The following POLR2B variants were observed in gnomAD, a reference collection of about 807,000 sequenced individuals.
POLR2B encodes DNA-directed RNA polymerase II subunit RPB2.
Under a neutral mutation model 144.6 loss-of-function variants are expected in POLR2B, and 57 were observed. That is an observed-to-expected ratio of 0.39 (90% CI 0.32 to 0.49). The LOEUF (loss-of-function observed/expected upper bound fraction) is 0.49. Among genes scored for constraint, POLR2B ranks in the 20% least tolerant of loss-of-function variants. POLR2B has a pLI of 0.83. For synonymous variants in POLR2B, 442 were observed against 469.8 expected (o/e 0.94, Z 0.77); for missense variants, 595 against 1,467.4 (o/e 0.41, Z 9.71).
In POLR2B at chr4:57,025,401, C is replaced by T. The variant is rs370674792; in HGVS notation, c.3103C>T (p.Arg1035Ter). ...NEVLYNGFTGRKITSQIFIGP... is the reference protein window; with the variant it reads ...NEVLYNGFTG ...GGTCCTGTACAATGGGTTCACTGGTCGAAAAATCACATCACAAATATTTAT... is the reference window on the plus strand; with the variant it reads ...GGTCCTGTACAATGGGTTCACTGGTTGAAAAATCACATCACAAATATTTAT... The change falls in exon 23 of 25, where the codon CGA (arginine) becomes TGA (stop). Residue 1035 changes from arginine to a stop codon, truncating the protein, a stop_gained. Transcript: ENST00000314595. LOFTEE classifies it high-confidence loss of function. The T allele has an allele frequency of 3.1e-6, 5 of 1,613,212 alleles. No individual in the cohort carries two copies. Among genetic ancestry groups the T allele is most frequent in the African/African-American group, 1.3e-5 (1 of 74,898 alleles).
chr4:56,992,560 A>ATTTT (rs779373741), intron 3 of POLR2B, among the ~76,000 whole-genome samples: 59 of 85,598 alleles, frequency 6.9e-4, no homozygotes, highest in African/African-American at 2.1e-3. Flanking sequence ...TGGCTTATCT[A>ATTTT]TTTTTTTTTT....
chr4:56,993,845 G>T (rs1346842409), intron 3 of POLR2B, among the ~76,000 whole-genome samples: 1 of 152,038 alleles, frequency 6.6e-6, no homozygotes, highest in Non-Finnish European at 1.5e-5. Flanking sequence ...ATGTTCTATT[G>T]ATTAGATTAG....
At chr4:57,005,074 A>G (rs570427369) in intron 7 of POLR2B, among the ~76,000 whole-genome samples, 172 bp from the exon 8 acceptor site, 53 of 152,176 alleles carry the variant, frequency 3.5e-4, no homozygotes, top group Non-Finnish European at 5.9e-5. Context: ...AGAGATCGCT[A>G]GATCTCTGAG....
intron 13 of POLR2B, among the ~76,000 whole-genome samples, chr4:57,012,357 A>T (rs1458072929): frequency 6.6e-6 from 1 of 152,002 alleles, no homozygotes; most frequent in Non-Finnish European, 1.5e-5. Context: ...ATGAGCAGAG[A>T]TTGCACCATT....
intron 1 of POLR2B, chr4:56,985,203 A>C: frequency 2.1e-6 from 1 of 473,466 alleles, no homozygotes; most frequent in Non-Finnish European, 2.8e-6. Flanking sequence ...CAGCCTCAGA[A>C]TAGTGTATGT....
intron 14 of POLR2B, among the ~76,000 whole-genome samples, chr4:57,016,333 G>A (rs887372405): frequency 6.6e-6 from 1 of 151,854 alleles, no homozygotes; most frequent in Middle Eastern, 3.4e-3. Context: ...GATTGCTTGA[G>A]GCCAGGAGTT....
intron 23 of POLR2B, 148 bp downstream of exon 23, chr4:57,025,685 C>T: frequency 1.7e-6 from 1 of 582,680 alleles, no homozygotes; most frequent in South Asian, 2.3e-5. Flanking sequence ...AGTCTTGTTG[C>T]ATTCATCTCT....
At chr4:56,996,208 G>A (rs1292007222) in intron 6 of POLR2B, among the ~76,000 whole-genome samples, 26 of 75,654 alleles carry the variant, frequency 3.4e-4, no homozygotes, top group Non-Finnish European at 7.1e-4. Flanking sequence ...TTCAGTTCAT[G>A]TGTGTGTGTG....
intron 13 of POLR2B, among the ~76,000 whole-genome samples, chr4:57,011,971 T>A (rs1460338997): frequency 6.6e-6 from 1 of 152,228 alleles, no homozygotes; most frequent in Non-Finnish European, 1.5e-5. Flanking sequence ...CTGAGAATAC[T>A]TTTTAAAAGG....
intron 2 of POLR2B, 157 bp downstream of exon 2, chr4:56,986,583 C>T: frequency 2.0e-6 from 1 of 490,730 alleles, no homozygotes; most frequent in Non-Finnish European, 3.6e-6. Flanking sequence ...AAAAGTTACA[C>T]AAAGAATTCA....
chr4:57,020,219 A>G (rs1578588955), intron 16 of POLR2B, among the ~76,000 whole-genome samples: 1 of 151,966 alleles, frequency 6.6e-6, no homozygotes, highest in Non-Finnish European at 1.5e-5. Context: ...TTTTTATTAG[A>G]GGTGGGGTTT....
intron 21 of POLR2B, 144 bp downstream of exon 21, chr4:57,024,256 T>G (rs1254406508): frequency 5.8e-6 from 3 of 516,326 alleles, no homozygotes; most frequent in African/African-American, 2.0e-5. Flanking sequence ...TTGCTTATGA[T>G]TCTGCCATTT....
intron 1 of POLR2B, chr4:56,985,258 A>G: frequency 1.1e-6 from 1 of 879,010 alleles, no homozygotes; most frequent in South Asian, 5.2e-5. Flanking sequence ...TTTTTGAGAC[A>G]GAGTCTCGCT....
rs1055621830 is a variant in POLR2B, at chr4:56,994,575, A to T, written c.356+59A>T. 5 of 1,460,044 alleles carry T rather than the reference A, an allele frequency of 3.4e-6. No homozygotes were observed. The Admixed American group carries it at 8.5e-5, about 25-fold the overall frequency. The allele number at this position is 1,460,044 out of a possible 1,614,324, so 90.4% of individuals were successfully genotyped here. A position where few individuals can be genotyped will look rare whatever the true frequency, so the allele number is the denominator to read the frequency against. On this transcript the variant is annotated intron_variant, in intron 4 of 24. Transcript: ENST00000314595. ...ACTGAAATAGAATTTTGAAAATGTA[A>T]TTTTAACCACTTGAGGATTTGTTTT...
intron 3 of POLR2B, 124 bp downstream of exon 3, chr4:56,991,022 A>G (rs3733309): frequency 0.16 from 98,242 of 605,528 alleles, 9,666 homozygotes; most frequent in East Asian, 0.41. Flanking sequence ...TACTTACAGC[A>G]CCGTCAATCA....
intron 16 of POLR2B, among the ~76,000 whole-genome samples, chr4:57,018,678 C>A (rs1260565747): frequency 6.6e-6 from 1 of 152,014 alleles, no homozygotes; most frequent in African/African-American, 2.4e-5. Flanking sequence ...ACGGTCAAGT[C>A]TAGAGATGTA....
At chr4:57,022,995 G>A (rs1723600204) in intron 18 of POLR2B, among the ~76,000 whole-genome samples, 1 of 152,092 alleles carries the variant, frequency 6.6e-6, no homozygotes, top group Non-Finnish European at 1.5e-5. Flanking sequence ...TTTTTCTCCT[G>A]TACCCACTGA....
chr4:57,011,291 A>G (rs1230083378), intron 13 of POLR2B, among the ~76,000 whole-genome samples, 191 bp downstream of exon 13: 1 of 152,234 alleles, frequency 6.6e-6, no homozygotes, highest in Non-Finnish European at 1.5e-5. Flanking sequence ...GCACTTTGGG[A>G]GGCCGAGGCG....
chr4:57,017,034 C>A lies in POLR2B; in HGVS notation c.1956-9C>A. 2 of 1,543,408 alleles carry A rather than the reference C, an allele frequency of 1.3e-6. No individual in the cohort carries two copies. Among genetic ancestry groups the A allele is most frequent in the Non-Finnish European group, 1.8e-6 (2 of 1,139,668 alleles). On this transcript the variant is annotated splice_polypyrimidine_tract_variant and intron_variant, in intron 14 of 24. Transcript: ENST00000314595. The surrounding 1 kb of genome is among the most constrained non-coding windows in gnomAD (Gnocchi z 4.8). ...GAGGAAGTAGAAAATTGAGTGAATT[C>A]TTTTTTAGTTGGCAGGATCTTGTGG...
Sources: gnomAD v4.1 joint callset for allele counts (sites outside exome capture counted in the v4.1 genomes callset) on GRCh38, gnomAD v4.1.1 for gene constraint, Gnocchi (gnomAD v3.1) non-coding constraint, MANE v1.5 for transcripts, NCBI Gene and HGNC (gene_info 2026-07-23, HGNC 2026-07-21) for gene names.